ZNF607: variants seen among roughly 807,000 people sequenced by gnomAD.
The protein encoded by ZNF607 is zinc finger protein 607.
Under a neutral mutation model 12.8 loss-of-function variants are expected in ZNF607, and 5 were observed. The observed-to-expected ratio is 0.39, with a 90% confidence interval of 0.20 to 0.82. The LOEUF (loss-of-function observed/expected upper bound fraction) is 0.82. ZNF607 is among the 40% of genes least tolerant of loss of function. The pLI, the probability that ZNF607 is intolerant of heterozygous loss-of-function variation, is 0.39. For missense variants in ZNF607, 851 were observed against 859.2 expected, an observed-to-expected ratio of 0.99 and a Z score of 0.12; for synonymous variants, 287 against 276.2, an observed-to-expected ratio of 1.04 and a Z score of -0.39.
Position 37,699,976 on chromosome 19 carries a change from T to G in ZNF607, c.236-81A>C, listed in dbSNP as rs1232361333. On this transcript the variant is annotated intron_variant, in intron 4 of 4. Coordinates refer to ENST00000355202, the MANE Select transcript of ZNF607 (RefSeq NM_032689.5). ...TAGAATTAAGAGAAATTCTCACCTA[T>G]TACAGATGCTAACTCGAAAATACAG... is the stretch of plus-strand genomic sequence containing the variant. 19 of 1,250,228 alleles carry G rather than the reference T, an allele frequency of 1.5e-5. No individual in the cohort carries two copies. The East Asian group carries it at 3.9e-4, about 25-fold the overall frequency. The allele number at this position is 1,250,228 out of a possible 1,614,324, so 77.4% of individuals were successfully genotyped here.
rs1294304421 is a variant in ZNF607 at position 37,698,634 on chromosome 19, A to G, written c.1497T>C (p.His499=). The change falls in exon 5 of 5, where the codon CAT becomes CAC. Residue 499 remains histidine (H), a synonymous_variant. Coordinates refer to ENST00000355202, the MANE Select transcript of ZNF607 (RefSeq NM_032689.5). ...SHKLTIHRRV[H]TGEKPYECKE... is the part of the protein sequence containing the mutation. Reference sequence around the variant, plus strand: ...TACATTCATAAGGTTTCTCACCAGTATGAACTCTGCGATGTATAGTGAGTT... The same window carrying G: ...TACATTCATAAGGTTTCTCACCAGTGTGAACTCTGCGATGTATAGTGAGTT... 3 of 1,613,882 alleles carry G rather than the reference A, an allele frequency of 1.9e-6. No individual in the cohort carries two copies. Among genetic ancestry groups the G allele is most frequent in the Non-Finnish European group, 2.5e-6 (3 of 1,179,998 alleles).
At chr19:37,712,127 C>T (rs546882796) in intron 1 of ZNF607, among the ~76,000 whole-genome samples, 5 of 152,142 alleles carry the variant, frequency 3.3e-5, no homozygotes, top group African/African-American at 7.2e-5. Context: ...AGACAGATGG[C>T]GAGTGTTCAG....
At position 37,699,817 on chromosome 19, in the gene ZNF607, T is replaced by C. The variant is rs763355168; in HGVS notation, c.314A>G (p.Gln105Arg). ...TGGTTTCTGTCCATTATGAATTCTC[T>C]GATGGAGAGTAACACATGAGTGTTT... ...YRKHSCVTLH[Q>R]RIHNGQKPYE... The change falls in exon 5 of 5, where the codon CAG becomes CGG. Residue 105 changes from glutamine to arginine, a missense_variant. Gln to Arg is a conservative substitution (Grantham distance 43). Transcript: ENST00000355202. 1.9e-6 allele frequency: 3 copies of C among 1,613,806 alleles called. No individual in the cohort carries two copies. The highest frequency in any genetic ancestry group is 2.5e-6 in the Non-Finnish European group (3 of 1,179,956).
At position 37,697,831 on chromosome 19, in the gene ZNF607, C is replaced by G; in HGVS notation, c.*209G>C. 2.2e-6 allele frequency: 1 copy of G among 445,980 alleles called. No individual in the cohort carries two copies. The highest frequency in any genetic ancestry group is 2.0e-5 in the African/African-American group (1 of 49,572). The allele number at this position is 445,980 out of a possible 1,614,324, so 27.6% of individuals were successfully genotyped here. A position where few individuals can be genotyped will look rare whatever the true frequency, so the allele number is the denominator to read the frequency against. On this transcript the variant is annotated 3_prime_UTR_variant, in exon 5 of 5. Transcript: ENST00000355202. The stretch of plus-strand genomic sequence containing the variant: ...ATTAAAAAAATACATTATAAATTCT[C>G]TGAATCTGAGTTAACACAGGTCATA...
At position 37,697,622 on chromosome 19, in the gene ZNF607, C is replaced by G. The variant is rs150986505; in HGVS notation, c.*418G>C. On this transcript the variant is annotated 3_prime_UTR_variant, in exon 5 of 5. Coordinates refer to ENST00000355202, the MANE Select transcript of ZNF607 (RefSeq NM_032689.5). Reference sequence around the variant, plus strand: ...GTGGCTAAATAGCCTTTCCCATCATCGCTTATATCAACAGAGGTTTCCTGT... The same window carrying G: ...GTGGCTAAATAGCCTTTCCCATCATGGCTTATATCAACAGAGGTTTCCTGT... 1.1e-3 allele frequency: 437 copies of G among 399,082 alleles called. 3 individuals carry two copies. The highest frequency in any genetic ancestry group is 7.8e-3 in the African/African-American group (380 of 49,008). The allele number at this position is 399,082 out of a possible 1,614,324, so 24.7% of individuals were successfully genotyped here.
intron 1 of ZNF607, among the ~76,000 whole-genome samples, chr19:37,718,244 A>G (rs2045194712): frequency 1.3e-5 from 2 of 152,180 alleles, no homozygotes; most frequent in South Asian, 4.1e-4. Flanking sequence ...TATTTTGGAA[A>G]ACTTAAATTC....
chr19:37,699,040 G>A lies in ZNF607; in HGVS notation c.1091C>T (p.Pro364Leu), dbSNP rs771356193. 186 of 1,613,876 alleles carry A rather than the reference G, an allele frequency of 1.2e-4. 1 individual carries two copies. Among genetic ancestry groups the A allele is most frequent in the Middle Eastern group, 8.2e-4 (5 of 6,084 alleles). ...APHTFESVEK[P>L]YKCEECGKAF... ...TTTCCCACATTCCTCACACTTATAA[G>A]GTTTCTCAACACTTTCAAATGTATG... Residue 364 changes from proline (P) to leucine (L), a missense_variant, in exon 5 of 5, where the codon CCT becomes CTT. Transcript: ENST00000355202.
chr19:37,710,533 GA>G (rs1484911212), intron 2 of ZNF607, among the ~76,000 whole-genome samples: 1 of 151,666 alleles, frequency 6.6e-6, no homozygotes, highest in Non-Finnish European at 1.5e-5. Flanking sequence ...CATTGCAGCA[GA>G]AGAGCAATAT....
At chr19:37,703,133 G>C (rs973767179) in intron 4 of ZNF607, among the ~76,000 whole-genome samples, 1 of 151,712 alleles carries the variant, frequency 6.6e-6, no homozygotes, top group Non-Finnish European at 1.5e-5. Flanking sequence ...TGTATTTTTA[G>C]TAGAGACGGG....
rs149743709 is a variant in ZNF607, at chr19:37,712,336, G to A, written c.-74-644C>T. Among the ~76,000 whole-genome samples the A allele has an allele frequency of 8.2e-3, 1,250 of 152,238 alleles. 11 individuals carry two copies. The highest frequency in any genetic ancestry group is 0.011 in the Non-Finnish European group (761 of 68,028). ...ATAAATACATATCCATCAATACAGA[G>A]AGAAAGGCTGGCAGACAGATAATCA... On this transcript the variant is annotated intron_variant, in intron 1 of 4. Transcript: ENST00000355202.
chr19:37,707,769 A>G, intron 4 of ZNF607, 145 bp downstream of exon 4: 1 of 628,072 alleles, frequency 1.6e-6, no homozygotes, highest in South Asian at 2.1e-5. Context: ...TGAGATATCC[A>G]TTTCTTCTCC....
intron 4 of ZNF607, 79 bp downstream of exon 4, chr19:37,707,835 C>G (rs549452530): frequency 1.9e-6 from 2 of 1,066,074 alleles, no homozygotes; most frequent in Non-Finnish European, 2.8e-6. Context: ...TTCAAGGATG[C>G]GTTTACCAAA....
At chr19:37,717,674 C>T (rs2045188661) in intron 1 of ZNF607, among the ~76,000 whole-genome samples, 2 of 151,104 alleles carry the variant, frequency 1.3e-5, no homozygotes, top group Admixed American at 1.3e-4. Context: ...GGCATGGTGG[C>T]CCATGCTTGT....
intron 4 of ZNF607, among the ~76,000 whole-genome samples, chr19:37,703,769 C>A (rs750080434): frequency 6.6e-6 from 1 of 152,164 alleles, no homozygotes; most frequent in Non-Finnish European, 1.5e-5. Flanking sequence ...CACTTATGCA[C>A]CTGATAACAG....
chr19:37,711,317 T>C (rs2045130864), intron 2 of ZNF607, among the ~76,000 whole-genome samples: 1 of 152,240 alleles, frequency 6.6e-6, no homozygotes, highest in Non-Finnish European at 1.5e-5. Flanking sequence ...GCGTATTATC[T>C]GTACTCAAAG....
chr19:37,706,696 A>C (rs1203733900), intron 4 of ZNF607: 1 of 151,940 alleles, frequency 6.6e-6, no homozygotes, highest in Non-Finnish European at 1.5e-5. Flanking sequence ...AGAATTTCTT[A>C]ATTTTTTTTT....
Position 37,696,687 on chromosome 19 carries a change from C to G in ZNF607, c.*1353G>C. 4.1e-6 allele frequency: 3 copies of G among 732,362 alleles called. No homozygotes were observed. In the South Asian group the frequency reaches 4.4e-5, roughly 11 times the overall value. The allele number at this position is 732,362 out of a possible 1,614,324, so 45.4% of individuals were successfully genotyped here. ...AGGTGATGTTCCGAGAGCATGAGAGCTGGTATGCAATGTCTTCTGCAGCTT... is the reference window on the plus strand; with the variant it reads ...AGGTGATGTTCCGAGAGCATGAGAGGTGGTATGCAATGTCTTCTGCAGCTT... On this transcript the variant is annotated 3_prime_UTR_variant, in exon 5 of 5. Coordinates refer to ENST00000355202, the MANE Select transcript of ZNF607 (RefSeq NM_032689.5).
intron 1 of ZNF607, among the ~76,000 whole-genome samples, chr19:37,715,096 T>C (rs969953085): frequency 9.2e-5 from 14 of 151,744 alleles, no homozygotes; most frequent in African/African-American, 2.7e-4. Context: ...TTAGAAGAGA[T>C]GGGCTTTCAC....
intron 3 of ZNF607, among the ~76,000 whole-genome samples, chr19:37,708,281 C>T (rs979162619): frequency 3.3e-5 from 5 of 151,630 alleles, no homozygotes; most frequent in Admixed American, 6.6e-5. Flanking sequence ...CCACAACCTC[C>T]GCCTCCCAGG....
Sources: gnomAD v4.1 joint callset for allele counts (sites outside exome capture counted in the v4.1 genomes callset) on GRCh38, gnomAD v4.1.1 for gene constraint, MANE v1.5 for transcripts, NCBI Gene and HGNC (gene_info 2026-07-23, HGNC 2026-07-21) for gene names.